The following MACROD2 variants were observed in gnomAD, a reference collection of about 807,000 sequenced individuals.
MACROD2 encodes the protein ADP-ribose glycohydrolase MACROD2.
Under a neutral mutation model 70.4 loss-of-function variants are expected in MACROD2, and 36 were observed. That is an observed-to-expected ratio of 0.51 (90% CI 0.39 to 0.68). The LOEUF (loss-of-function observed/expected upper bound fraction) is 0.68. Ranked by LOEUF, MACROD2 falls within the 30% of genes least tolerant of loss-of-function variation. The pLI, the probability that MACROD2 is intolerant of heterozygous loss-of-function variation, is 0.00. For missense variants in MACROD2, 496 were observed against 538.4 expected (o/e 0.92, Z 0.78); for synonymous variants, 172 against 178.8 (o/e 0.96, Z 0.30).
intron 3 of MACROD2, among the ~76,000 whole-genome samples, chr20:14,117,065 CAA>C (rs11470818): frequency 0.061 from 8,059 of 131,064 alleles, 249 homozygotes; most frequent in African/African-American, 0.097. Context: ...GACTCCATCT[CAA>C]AAAAAAAAAA....
Position 15,120,631 on chromosome 20 carries a change from T to C in MACROD2, c.419-109309T>C, listed in dbSNP as rs564644918. On this transcript the variant is annotated intron_variant, in intron 5 of 17. Coordinates refer to ENST00000684519, the MANE Select transcript of MACROD2 (RefSeq NM_001351661.2). ...TCTATACACAGACAGTATATTAAAA[T>C]AAGGATTAAAACCATGTTTAATCAA... Among the ~76,000 whole-genome samples, 5 of 152,318 alleles carry C rather than the reference T, an allele frequency of 3.3e-5. No individual in the cohort carries two copies. The South Asian group carries it at 1.0e-3, about 32-fold the overall frequency.
intron 6 of MACROD2, among the ~76,000 whole-genome samples, chr20:15,289,838 C>T (rs1228454086): frequency 2.0e-5 from 3 of 152,148 alleles, no homozygotes; most frequent in African/African-American, 7.2e-5. Context: ...GTACTGGGTA[C>T]TGTGTGAGTC....
chr20:14,520,205 C>CA (rs1305614438), intron 4 of MACROD2, among the ~76,000 whole-genome samples: 1 of 152,110 alleles, frequency 6.6e-6, no homozygotes, highest in Non-Finnish European at 1.5e-5. Context: ...TGTACCCCTA[C>CA]ACCTAAAGTA....
At chr20:15,902,251 G>A (rs183156064) in intron 10 of MACROD2, among the ~76,000 whole-genome samples, 92 of 152,048 alleles carry the variant, frequency 6.1e-4, no homozygotes, top group African/African-American at 2.1e-3. Flanking sequence ...ACCATTTGAC[G>A]GTGTAGGTAT....
intron 3 of MACROD2, among the ~76,000 whole-genome samples, chr20:14,103,499 T>G (rs2054326401): frequency 6.6e-6 from 1 of 151,500 alleles, no homozygotes; most frequent in African/African-American, 2.4e-5. Flanking sequence ...AAGAGAACAG[T>G]TTTTTTTTCC....
chr20:14,645,552 C>T (rs1350681920), intron 4 of MACROD2, among the ~76,000 whole-genome samples: 1 of 151,926 alleles, frequency 6.6e-6, no homozygotes, highest in Non-Finnish European at 1.5e-5. Context: ...TTTAATTTTA[C>T]TCAAATAGAT....
chr20:14,199,921 CT>C (rs2081465061), intron 3 of MACROD2, among the ~76,000 whole-genome samples: 1 of 151,970 alleles, frequency 6.6e-6, no homozygotes, highest in African/African-American at 2.4e-5. Context: ...GGTTTACTTA[CT>C]TCCTTCTTAT....
At chr20:15,969,330 A>T (rs759587968) in intron 13 of MACROD2, among the ~76,000 whole-genome samples, 3 of 152,184 alleles carry the variant, frequency 2.0e-5, no homozygotes, top group Non-Finnish European at 4.4e-5. Context: ...ACCCCAAAAA[A>T]TGAGGGAAAA....
At chr20:15,045,774 A>G (rs2075390038) in intron 5 of MACROD2, among the ~76,000 whole-genome samples, 1 of 117,390 alleles carries the variant, frequency 8.5e-6, no homozygotes, top group Non-Finnish European at 1.6e-5. Context: ...ACACTTTTGG[A>G]CTATCTACAC....
intron 5 of MACROD2, among the ~76,000 whole-genome samples, chr20:15,193,590 G>A (rs2076585912): frequency 6.6e-6 from 1 of 152,138 alleles, no homozygotes; most frequent in African/African-American, 2.4e-5. Context: ...TGAGACTGCA[G>A]TGAGCCCTAT....
intron 5 of MACROD2, among the ~76,000 whole-genome samples, chr20:14,931,331 G>T (rs1204454151): frequency 6.6e-6 from 1 of 152,092 alleles, no homozygotes; most frequent in African/African-American, 2.4e-5. Context: ...ATATTATATA[G>T]CATGTTCACT....
At chr20:14,961,731 A>G (rs1325161546) in intron 5 of MACROD2, among the ~76,000 whole-genome samples, 1 of 152,130 alleles carries the variant, frequency 6.6e-6, no homozygotes, top group Non-Finnish European at 1.5e-5. Context: ...TAGGTGTTTA[A>G]ATGATTCTAA....
intron 5 of MACROD2, among the ~76,000 whole-genome samples, chr20:14,968,723 T>C (rs1448094624): frequency 2.0e-5 from 3 of 152,146 alleles, no homozygotes; most frequent in South Asian, 2.1e-4. Context: ...TTTCAGATGA[T>C]GCTGATGCTG....
intron 5 of MACROD2, among the ~76,000 whole-genome samples, chr20:15,199,440 T>C (rs1017415338): frequency 1.3e-5 from 2 of 152,208 alleles, no homozygotes; most frequent in African/African-American, 4.8e-5. Context: ...TTTAACCTCT[T>C]TGAATTTCCA....
chr20:14,071,363 C>G (rs1441437113), intron 2 of MACROD2, among the ~76,000 whole-genome samples: 1 of 147,028 alleles, frequency 6.8e-6, no homozygotes, highest in African/African-American at 2.5e-5. Flanking sequence ...CGGGTGCATG[C>G]CGTTCTCCTG....
At chr20:15,513,849 A>G (rs2047532913) in intron 8 of MACROD2, among the ~76,000 whole-genome samples, 1 of 152,240 alleles carries the variant, frequency 6.6e-6, no homozygotes, top group South Asian at 2.1e-4. Context: ...TTTTTTGTCA[A>G]CAACAGAACA....
intron 3 of MACROD2, among the ~76,000 whole-genome samples, chr20:14,408,328 C>A (rs1043111710): frequency 1.3e-5 from 2 of 151,930 alleles, no homozygotes; most frequent in Non-Finnish European, 2.9e-5. Flanking sequence ...CTTCATTGAC[C>A]CAGCAGTTTG....
intron 5 of MACROD2, among the ~76,000 whole-genome samples, chr20:14,953,070 A>C (rs904035419): frequency 6.6e-6 from 1 of 152,142 alleles, no homozygotes; most frequent in Non-Finnish European, 1.5e-5. Flanking sequence ...AGTAAAAGCA[A>C]GCTTCTTTAC....
intron 5 of MACROD2, among the ~76,000 whole-genome samples, chr20:14,956,438 A>G (rs1376444973): frequency 6.6e-6 from 1 of 152,202 alleles, no homozygotes; most frequent in Non-Finnish European, 1.5e-5. Flanking sequence ...TGGCAAAGAT[A>G]AAATAGAGTG....
Sources: gnomAD v4.1 joint callset for allele counts (sites outside exome capture counted in the v4.1 genomes callset) on GRCh38, gnomAD v4.1.1 for gene constraint, MANE v1.5 for transcripts, NCBI Gene and HGNC (gene_info 2026-07-23, HGNC 2026-07-21) for gene names.